The following FAM163A variants were observed in gnomAD, a reference collection of about 807,000 sequenced individuals.
FAM163A encodes the protein protein FAM163A.
A neutral mutation model predicts 12.0 loss-of-function variants in FAM163A; 7 were observed. The observed-to-expected ratio is 0.58, with a 90% CI of 0.33 to 1.10. FAM163A has a LOEUF of 1.10. Among genes scored for constraint, FAM163A ranks in the 50% least tolerant of loss-of-function variants. The pLI is 0.03. For synonymous variants in FAM163A, 101 were observed against 91.0 expected (o/e 1.11, Z -0.62); for missense variants, 202 against 218.6 (o/e 0.92, Z 0.48).
At chr1:179,743,869 C>CGCT (rs1039653270) in intron 1 of FAM163A, among the ~76,000 whole-genome samples, 7 of 152,230 alleles carry the variant, frequency 4.6e-5, no homozygotes, top group South Asian at 2.1e-4. Flanking sequence ...ACGCGGACGC[C>CGCT]GCTGCTGCTG....
At chr1:179,728,787 A>C in the FAM163A span, among the ~76,000 whole-genome samples, 5 of 152,238 alleles carry the variant, frequency 3.3e-5, no homozygotes, top group Admixed American at 6.5e-5. Flanking sequence ...TCTACAATCA[A>C]GGTAAACTAG....
chr1:179,762,883 G>A (rs183459718), intron 1 of FAM163A, among the ~76,000 whole-genome samples: 1 of 152,258 alleles, frequency 6.6e-6, no homozygotes, highest in East Asian at 1.9e-4. Flanking sequence ...CAGGGTAGGG[G>A]AGGAAAAAAT....
intron 1 of FAM163A, among the ~76,000 whole-genome samples, chr1:179,757,209 TAGA>T (rs1424819299): frequency 6.6e-6 from 1 of 151,916 alleles, no homozygotes; most frequent in East Asian, 1.9e-4. Flanking sequence ...TTTTTAAGAG[TAGA>T]AGAAGCTTGA....
intron 2 of FAM163A, among the ~76,000 whole-genome samples, chr1:179,808,237 C>T (rs1204342221): frequency 2.6e-5 from 4 of 152,260 alleles, no homozygotes; most frequent in East Asian, 1.9e-4. Context: ...TTAATGGTCT[C>T]GCTTCTCCTC....
intron 1 of FAM163A, among the ~76,000 whole-genome samples, chr1:179,781,740 C>T (rs144644956): frequency 0.028 from 4,282 of 152,132 alleles, 165 homozygotes; most frequent in African/African-American, 0.08. Context: ...TCAAGACCAG[C>T]CTGGCCAACA....
the FAM163A span, among the ~76,000 whole-genome samples, chr1:179,732,764 C>T: frequency 6.6e-6 from 1 of 150,894 alleles, no homozygotes; most frequent in African/African-American, 2.4e-5. Flanking sequence ...GCTTGTAGTC[C>T]CAGCTGCACA....
At chr1:179,734,040 A>G in the FAM163A span, among the ~76,000 whole-genome samples, 1 of 152,196 alleles carries the variant, frequency 6.6e-6, no homozygotes, top group Admixed American at 6.5e-5. Flanking sequence ...TAGTGTCTGG[A>G]GCAGCAAACG....
intron 1 of FAM163A, among the ~76,000 whole-genome samples, chr1:179,779,667 T>G (rs1300141099): frequency 2.6e-5 from 4 of 152,260 alleles, no homozygotes; most frequent in African/African-American, 9.6e-5. Context: ...TCCTATTTCC[T>G]GTTTATCGGC....
intron 2 of FAM163A, among the ~76,000 whole-genome samples, chr1:179,811,645 G>A (rs1694720977): frequency 6.6e-6 from 1 of 152,168 alleles, no homozygotes; most frequent in Non-Finnish European, 1.5e-5. Flanking sequence ...GGACAGTGGT[G>A]GACATGTGAT....
chr1:179,741,947 T>C (rs761125919), upstream of FAM163A: 9 of 152,258 alleles, frequency 5.9e-5, no homozygotes, highest in Non-Finnish European at 1.3e-4. Flanking sequence ...TTGTTTTCAC[T>C]TTTCTGTGTT....
chr1:179,778,237 A>G (rs1481772818), intron 1 of FAM163A, among the ~76,000 whole-genome samples: 1 of 152,140 alleles, frequency 6.6e-6, no homozygotes, highest in African/African-American at 2.4e-5. Flanking sequence ...TGGCCTAGGT[A>G]AGATCACGAG....
At chr1:179,755,981 G>C (rs1298431306) in intron 1 of FAM163A, among the ~76,000 whole-genome samples, 5 of 152,198 alleles carry the variant, frequency 3.3e-5, no homozygotes, top group Non-Finnish European at 7.3e-5. Flanking sequence ...CTTTACCCCA[G>C]GTGCTGATAG....
At chr1:179,735,071 C>T in the FAM163A span, among the ~76,000 whole-genome samples, 5 of 152,160 alleles carry the variant, frequency 3.3e-5, no homozygotes, top group Non-Finnish European at 5.9e-5. Context: ...TGGGTAATTA[C>T]GTTTTTCCTT....
chr1:179,795,500 G>C (rs1237743470), intron 1 of FAM163A, among the ~76,000 whole-genome samples: 1 of 152,180 alleles, frequency 6.6e-6, no homozygotes, highest in Admixed American at 6.5e-5. Context: ...ATTTTCACTT[G>C]CTCTCCCACA....
chr1:179,744,490 C>G (rs928462918), intron 1 of FAM163A, among the ~76,000 whole-genome samples: 1 of 152,130 alleles, frequency 6.6e-6, no homozygotes, highest in Non-Finnish European at 1.5e-5. Flanking sequence ...TGGTTCTCTG[C>G]GGCTCCGAAG....
chr1:179,775,149 C>T (rs1439346820), intron 1 of FAM163A, among the ~76,000 whole-genome samples: 1 of 152,168 alleles, frequency 6.6e-6, no homozygotes, highest in Non-Finnish European at 1.5e-5. Context: ...CCATTGGCCA[C>T]TTGGCTCTCA....
intron 1 of FAM163A, among the ~76,000 whole-genome samples, chr1:179,761,144 T>A (rs1336752375): frequency 6.6e-6 from 1 of 152,256 alleles, no homozygotes; most frequent in Non-Finnish European, 1.5e-5. Context: ...AAACAGCACA[T>A]ACATGGTATA....
intron 1 of FAM163A, among the ~76,000 whole-genome samples, chr1:179,800,133 G>C (rs1692949571): frequency 6.6e-6 from 1 of 152,238 alleles, no homozygotes; most frequent in Middle Eastern, 3.2e-3. Flanking sequence ...AGGCAGACAT[G>C]AAACAGTGTG....
chr1:179,765,179 G>A (rs975239886), intron 1 of FAM163A, among the ~76,000 whole-genome samples: 10 of 152,206 alleles, frequency 6.6e-5, no homozygotes, highest in Non-Finnish European at 1.0e-4. Flanking sequence ...CAAAGTGGAT[G>A]TCACCCCACT....
Sources: gnomAD v4.1 joint callset for allele counts (sites outside exome capture counted in the v4.1 genomes callset) on GRCh38, gnomAD v4.1.1 for gene constraint, MANE v1.5 for transcripts, NCBI Gene and HGNC (gene_info 2026-07-23, HGNC 2026-07-21) for gene names.